STK3: variants seen among roughly 807,000 people sequenced by gnomAD.
The protein encoded by STK3 is serine/threonine-protein kinase 3.
STK3 carries 41 observed loss-of-function variants against 58.0 expected under a neutral mutation model. The observed-to-expected ratio is 0.71, with a 90% CI of 0.55 to 0.92. The LOEUF (loss-of-function observed/expected upper bound fraction) is 0.92, where lower values mean the gene tolerates loss of function less well. Among genes scored for constraint, STK3 ranks in the 40% least tolerant of loss-of-function variants. The pLI is 0.00. For missense variants in STK3, 479 were observed against 602.7 expected (o/e 0.79, Z 2.15); for synonymous variants, 170 against 191.0 (o/e 0.89, Z 0.91).
At chr8:98,865,709 C>T (rs930058884) in intron 3 of STK3, among the ~76,000 whole-genome samples, 25 of 152,350 alleles carry the variant, frequency 1.6e-4, no homozygotes, top group African/African-American at 2.6e-4. Context: ...TAAAGTTATA[C>T]GACGTGCCTT....
At chr8:98,916,632 G>A (rs1204649925) in intron 1 of STK3, among the ~76,000 whole-genome samples, 1 of 152,168 alleles carries the variant, frequency 6.6e-6, no homozygotes, top group African/African-American at 2.4e-5. Flanking sequence ...ATGACCATGA[G>A]TAGCAGCAAT....
At chr8:98,640,677 A>T (rs1819954534) in intron 6 of STK3, among the ~76,000 whole-genome samples, 1 of 151,958 alleles carries the variant, frequency 6.6e-6, no homozygotes. Flanking sequence ...GGAACATTCC[A>T]ATATAATTTA....
chr8:98,560,613 C>T (rs1209697327), intron 8 of STK3, among the ~76,000 whole-genome samples: 1 of 152,102 alleles, frequency 6.6e-6, no homozygotes, highest in African/African-American at 2.4e-5. Context: ...TTCTTCCTAA[C>T]TTGATGTATA....
intron 10 of STK3, among the ~76,000 whole-genome samples, chr8:98,495,330 A>T (rs1311835992): frequency 6.6e-6 from 1 of 152,060 alleles, no homozygotes; most frequent in Non-Finnish European, 1.5e-5. Flanking sequence ...TCAGATGAGC[A>T]CCTTAAGTGG....
intron 10 of STK3, among the ~76,000 whole-genome samples, chr8:98,482,957 C>T (rs769753043): frequency 7.9e-5 from 12 of 152,098 alleles, no homozygotes; most frequent in South Asian, 6.2e-4. Flanking sequence ...TGAAAGCATA[C>T]GGATTTTATA....
At chr8:98,788,380 G>A (rs1832600947) in intron 1 of STK3, among the ~76,000 whole-genome samples, 2 of 151,990 alleles carry the variant, frequency 1.3e-5, no homozygotes, top group South Asian at 2.1e-4. Context: ...GGAAGTTGCA[G>A]TGAGCCCTGA....
chr8:98,700,177 G>A (rs1825431030), intron 6 of STK3, among the ~76,000 whole-genome samples: 1 of 152,206 alleles, frequency 6.6e-6, no homozygotes, highest in African/African-American at 2.4e-5. Flanking sequence ...TCCAAGTGCG[G>A]GATATAATCT....
intron 7 of STK3, 132 bp downstream of exon 7, chr8:98,595,900 G>C (rs1026148816): frequency 1.0e-6 from 1 of 994,140 alleles, no homozygotes; most frequent in African/African-American, 1.6e-5. Context: ...AGAAAAGAAG[G>C]GAGCAAACAG....
intron 10 of STK3, among the ~76,000 whole-genome samples, chr8:98,465,367 T>C (rs752367898): frequency 6.6e-6 from 1 of 152,140 alleles, no homozygotes; most frequent in Admixed American, 6.5e-5. Context: ...CAAAATCCAA[T>C]GATCATGTGA....
At chr8:98,761,772 C>T (rs2131413222) in intron 3 of STK3, among the ~76,000 whole-genome samples, 1 of 152,260 alleles carries the variant, frequency 6.6e-6, no homozygotes, top group African/African-American at 2.4e-5. Flanking sequence ...ATACAAATTG[C>T]CAAAGTTCAT....
chr8:98,666,340 G>T (rs1211027245), intron 6 of STK3, among the ~76,000 whole-genome samples: 1 of 152,072 alleles, frequency 6.6e-6, no homozygotes, highest in African/African-American at 2.4e-5. Context: ...TAAGAAAAAT[G>T]ATTTATCTAC....
At chr8:98,698,435 G>A (rs912595048) in intron 6 of STK3, among the ~76,000 whole-genome samples, 1 of 152,178 alleles carries the variant, frequency 6.6e-6, no homozygotes, top group Admixed American at 6.5e-5. Flanking sequence ...TTGCTCGTTA[G>A]TTGATACAGT....
intron 8 of STK3, among the ~76,000 whole-genome samples, chr8:98,562,429 A>G (rs1214402910): frequency 6.6e-6 from 1 of 152,134 alleles, no homozygotes; most frequent in African/African-American, 2.4e-5. Flanking sequence ...AAGGCTACAT[A>G]ATATATGATT....
intron 10 of STK3, among the ~76,000 whole-genome samples, chr8:98,492,834 G>A (rs1249896419): frequency 6.6e-6 from 1 of 152,064 alleles, no homozygotes; most frequent in African/African-American, 2.4e-5. Flanking sequence ...TTCTCTACTA[G>A]TGCTCTAGGT....
At chr8:98,558,225 G>T (rs903031282) in intron 8 of STK3, among the ~76,000 whole-genome samples, 1 of 151,914 alleles carries the variant, frequency 6.6e-6, no homozygotes, top group East Asian at 1.9e-4. Context: ...CCACAAGAGG[G>T]AACCAAAGAC....
intron 1 of STK3, among the ~76,000 whole-genome samples, chr8:98,795,110 A>AAAAAAAAAAAG: frequency 2.2e-5 from 1 of 46,454 alleles, no homozygotes; most frequent in Non-Finnish European, 3.9e-5. Flanking sequence ...AAAAATATAT[A>AAAAAAAAAAAG]TATATATATA....
At chr8:98,381,137 AT>A (rs1817727821) in intron 1 of STK3, among the ~76,000 whole-genome samples, 1 of 151,874 alleles carries the variant, frequency 6.6e-6, no homozygotes, top group Admixed American at 6.6e-5. Context: ...TGTCCGGCTA[AT>A]TTTTGTATTT....
chr8:98,802,581 A>G (rs1254572070), intron 1 of STK3, among the ~76,000 whole-genome samples: 2 of 152,202 alleles, frequency 1.3e-5, no homozygotes, highest in African/African-American at 4.8e-5. Context: ...TCTCCCTAAT[A>G]AAAAGATTTT....
At chr8:98,571,412 G>T (rs887050388) in intron 8 of STK3, among the ~76,000 whole-genome samples, 1 of 152,088 alleles carries the variant, frequency 6.6e-6, no homozygotes, top group African/African-American at 2.4e-5. Context: ...GGAAGTTTCT[G>T]TCTAAGAAAT....
Sources: gnomAD v4.1 joint callset for allele counts (sites outside exome capture counted in the v4.1 genomes callset) on GRCh38, gnomAD v4.1.1 for gene constraint, MANE v1.5 for transcripts, NCBI Gene and HGNC (gene_info 2026-07-23, HGNC 2026-07-21) for gene names.